XIRP2: variants seen among roughly 807,000 people sequenced by gnomAD.
XIRP2 encodes xin actin-binding repeat-containing protein 2.
Under a neutral mutation model 277.0 loss-of-function variants are expected in XIRP2, and 236 were observed. The observed-to-expected ratio is 0.85, with a 90% CI of 0.77 to 0.95. The LOEUF (loss-of-function observed/expected upper bound fraction) is 0.95, where lower values mean the gene tolerates loss of function less well. XIRP2 is among the 40% of genes least tolerant of loss of function. The probability of loss-of-function intolerance (pLI) is 0.00; values close to 1 mark genes in which losing one functional copy is unlikely to be tolerated. For synonymous variants in XIRP2, 1,490 were observed against 1,416.5 expected (o/e 1.05, Z -1.17); for missense variants, 4,640 against 4,157.5 (o/e 1.12, Z -3.19).
At chr2:166,925,925 A>G (rs1685176704) in intron 2 of XIRP2, among the ~76,000 whole-genome samples, 1 of 151,726 alleles carries the variant, frequency 6.6e-6, no homozygotes, top group Non-Finnish European at 1.5e-5. Context: ...AATTTAAAAA[A>G]TAGCCAGTCA....
At chr2:167,188,557 T>A (rs545056538) in intron 3 of XIRP2, among the ~76,000 whole-genome samples, 14 of 152,350 alleles carry the variant, frequency 9.2e-5, no homozygotes, top group Admixed American at 8.5e-4. Flanking sequence ...AATTTTAATA[T>A]GAAAGAGCAC....
intron 2 of XIRP2, among the ~76,000 whole-genome samples, chr2:167,123,150 A>C (rs1297493115): frequency 1.3e-5 from 2 of 152,190 alleles, no homozygotes; most frequent in South Asian, 4.1e-4. Context: ...TCAGGATCTA[A>C]GGTCTGCACA....
intron 2 of XIRP2, among the ~76,000 whole-genome samples, chr2:166,965,795 T>C (rs1468300147): frequency 6.6e-6 from 1 of 151,700 alleles, no homozygotes; most frequent in Non-Finnish European, 1.5e-5. Flanking sequence ...CTTGCTAAGG[T>C]TGGTCTGAAA....
intron 2 of XIRP2, among the ~76,000 whole-genome samples, chr2:167,129,529 T>G (rs1438976434): frequency 1.3e-5 from 2 of 152,026 alleles, no homozygotes; most frequent in East Asian, 3.8e-4. Flanking sequence ...TCTCACATCT[T>G]AAAAAATATT....
chr2:167,176,746 T>G (rs1692858046), intron 3 of XIRP2, among the ~76,000 whole-genome samples: 2 of 152,202 alleles, frequency 1.3e-5, no homozygotes, highest in Admixed American at 1.3e-4. Flanking sequence ...TATGATTGTC[T>G]TTGTTATATT....
chr2:166,955,748 G>C (rs1686145367), intron 2 of XIRP2, among the ~76,000 whole-genome samples: 1 of 151,212 alleles, frequency 6.6e-6, no homozygotes, highest in African/African-American at 2.4e-5. Context: ...CATACTTTGT[G>C]CTTCGAATAT....
intron 2 of XIRP2, among the ~76,000 whole-genome samples, chr2:166,952,662 A>G (rs1438006711): frequency 6.6e-6 from 1 of 152,028 alleles, no homozygotes; most frequent in Admixed American, 6.6e-5. Flanking sequence ...TACTATAACA[A>G]CTTTCATTGG....
At chr2:167,051,937 C>A (rs1688923959) in intron 2 of XIRP2, among the ~76,000 whole-genome samples, 1 of 151,996 alleles carries the variant, frequency 6.6e-6, no homozygotes, top group Non-Finnish European at 1.5e-5. Context: ...TCCTATAGCA[C>A]CTTCTTACTA....
At chr2:166,975,535 G>T (rs1282786406) in intron 2 of XIRP2, among the ~76,000 whole-genome samples, 1 of 152,152 alleles carries the variant, frequency 6.6e-6, no homozygotes, top group East Asian at 1.9e-4. Flanking sequence ...GTATTTGGGG[G>T]ACAAAGATAA....
At chr2:167,099,031 C>CTA (rs1251796109) in intron 2 of XIRP2, among the ~76,000 whole-genome samples, 1 of 152,200 alleles carries the variant, frequency 6.6e-6, no homozygotes, top group Non-Finnish European at 1.5e-5. Context: ...AGCTAAAGCA[C>CTA]TATGCTGGGA....
At chr2:166,916,681 G>C (rs142462869) in intron 2 of XIRP2, among the ~76,000 whole-genome samples, 14 of 152,194 alleles carry the variant, frequency 9.2e-5, no homozygotes, top group African/African-American at 3.4e-4. Context: ...TGTACAGTTT[G>C]ATAAAAGTGA....
At chr2:166,963,943 A>T (rs746904070) in intron 2 of XIRP2, among the ~76,000 whole-genome samples, 2 of 151,794 alleles carry the variant, frequency 1.3e-5, no homozygotes, top group Non-Finnish European at 2.9e-5. Flanking sequence ...GTCCAGGTGA[A>T]GACATGGTGT....
chr2:167,120,855 C>A (rs112340454), intron 2 of XIRP2, among the ~76,000 whole-genome samples: 3 of 152,110 alleles, frequency 2.0e-5, no homozygotes, highest in Non-Finnish European at 4.4e-5. Context: ...ATACACTACT[C>A]GAGAAATCTC....
chr2:167,064,378 C>T (rs1020561749), intron 2 of XIRP2, among the ~76,000 whole-genome samples: 6 of 151,780 alleles, frequency 4.0e-5, no homozygotes, highest in South Asian at 2.1e-4. Flanking sequence ...AATTTTATAG[C>T]GCATACTTCT....
At chr2:166,964,877 G>A (rs1229986072) in intron 2 of XIRP2, among the ~76,000 whole-genome samples, 3 of 151,684 alleles carry the variant, frequency 2.0e-5, no homozygotes, top group South Asian at 2.1e-4. Flanking sequence ...ATTTAGGATA[G>A]CCTCAGTTTG....
At chr2:167,132,673 C>T (rs1691417491) in intron 2 of XIRP2, among the ~76,000 whole-genome samples, 1 of 152,206 alleles carries the variant, frequency 6.6e-6, no homozygotes, top group Admixed American at 6.5e-5. Flanking sequence ...CTTTCAGCCT[C>T]CCTGCTCCCA....
intron 8 of XIRP2, among the ~76,000 whole-genome samples, chr2:167,242,167 A>T (rs149860300): frequency 6.6e-6 from 1 of 152,190 alleles, no homozygotes; most frequent in Non-Finnish European, 1.5e-5. Context: ...AAAGTAATTA[A>T]ATCAATTTTA....
intron 2 of XIRP2, among the ~76,000 whole-genome samples, chr2:166,932,641 C>A (rs770204313): frequency 3.9e-5 from 6 of 152,054 alleles, no homozygotes; most frequent in Non-Finnish European, 8.8e-5. Flanking sequence ...AATAATATTT[C>A]TATATTTTCT....
intron 3 of XIRP2, among the ~76,000 whole-genome samples, chr2:167,148,990 T>TCATCTAGGATGGGAAGCTAGATCA (rs1277012854): frequency 6.6e-6 from 1 of 151,990 alleles, no homozygotes; most frequent in Non-Finnish European, 1.5e-5. Context: ...GGCCCTGGGC[T>TCATCTAGGATGGGAAGCTAGATCA]CATCTAGGAT....
Sources: allele counts gnomAD v4.1 joint callset (sites outside exome capture counted in the v4.1 genomes callset), GRCh38; gene constraint gnomAD v4.1.1; transcripts MANE v1.5; gene names NCBI Gene and HGNC (gene_info 2026-07-23, HGNC 2026-07-21).